The following DLGAP3 variants were observed in gnomAD, a reference collection of about 807,000 sequenced individuals.
DLGAP3 encodes disks large-associated protein 3.
DLGAP3 carries 17 observed loss-of-function variants against 81.2 expected under a neutral mutation model. That is an observed-to-expected ratio of 0.21 (90% confidence interval 0.14 to 0.31). The LOEUF is 0.31. Ranked by LOEUF, DLGAP3 falls within the 10% of genes least tolerant of loss-of-function variation. The pLI, the probability that DLGAP3 is intolerant of heterozygous loss-of-function variation, is 1.00. For missense variants in DLGAP3, 1,124 were observed against 1,388.0 expected, an observed-to-expected ratio of 0.81 and a Z score of 3.02; for synonymous variants, 577 against 587.4, an observed-to-expected ratio of 0.98 and a Z score of 0.26.
In DLGAP3 at chr1:34,867,473, C is replaced by A; in HGVS notation, c.2577+63G>T. On this transcript the variant is annotated intron_variant, in intron 10 of 11. Coordinates refer to ENST00000373347, the MANE Select transcript of DLGAP3 (RefSeq NM_001080418.3). This position sits in a 1 kb window ranked among gnomAD's most constrained non-coding sequence, Gnocchi z 4.3. ...ACTCTGGGTCACCTGCCTGTCTCAC[C>A]TCCAGCACACACACACTCTGGGTCA... is the stretch of plus-strand genomic sequence containing the variant. 6.9e-7 allele frequency: 1 copy of A among 1,446,456 alleles called. No homozygotes were observed. The highest frequency in any genetic ancestry group is 9.7e-7 in the Non-Finnish European group (1 of 1,027,036). The allele number at this position is 1,446,456 out of a possible 1,614,324, so 89.6% of individuals were successfully genotyped here.
At chr1:34,918,938 A>G (rs545505587) in intron 1 of DLGAP3, among the ~76,000 whole-genome samples, 1 of 152,272 alleles carries the variant, frequency 6.6e-6, no homozygotes, top group South Asian at 2.1e-4. Context: ...AGGACCCTGA[A>G]GAGCCCCTCC....
Position 34,900,569 on chromosome 1 carries a change from T to C in DLGAP3, c.1108-296A>G, listed in dbSNP as rs536203761. Among the ~76,000 whole-genome samples, 1 of 152,304 alleles carries C rather than the reference T, an allele frequency of 6.6e-6. No homozygotes were observed. Among genetic ancestry groups the C allele is most frequent in the African/African-American group, 2.4e-5 (1 of 41,572 alleles). ...CAGAGGCCAAAGTGACCTGTGTCAA[T>C]CCCATGCCCAGCAGTCAGGCATCAC... is the stretch of plus-strand genomic sequence containing the variant. On this transcript the variant is annotated intron_variant, in intron 3 of 11. Transcript: ENST00000373347. This position sits in a 1 kb window ranked among gnomAD's most constrained non-coding sequence, Gnocchi z 5.6.
At chr1:34,907,263 G>T (rs1227492559) in intron 2 of DLGAP3, 92 bp downstream of exon 2, 2 of 152,560 alleles carry the variant, frequency 1.3e-5, no homozygotes, top group Non-Finnish European at 2.9e-5. Flanking sequence ...GCCAGTAAGT[G>T]GATGAGTCAC....
At position 34,891,515 on chromosome 1, in the gene DLGAP3, G is replaced by A. The variant is rs72894116; in HGVS notation, c.1387-5230C>T. Among the ~76,000 whole-genome samples, 750 of 152,290 alleles carry A rather than the reference G, an allele frequency of 4.9e-3. 9 individuals are homozygous for A. Among genetic ancestry groups the A allele is most frequent in the African/African-American group, 0.018 (736 of 41,554 alleles). ...CTCTCCACATATCTTGGGTTAACTCGAAGCTGGGTGAATGCACAGCAGAGA... is the reference window on the plus strand; with the variant it reads ...CTCTCCACATATCTTGGGTTAACTCAAAGCTGGGTGAATGCACAGCAGAGA... On this transcript the variant is annotated intron_variant, in intron 5 of 11. Transcript: ENST00000373347.
At chr1:34,898,692 CAA>C (rs991905763) in intron 5 of DLGAP3, among the ~76,000 whole-genome samples, 8 of 152,058 alleles carry the variant, frequency 5.3e-5, no homozygotes, top group Non-Finnish European at 1.2e-4. Flanking sequence ...AAGTGGGGCT[CAA>C]AAAAAGTCAA....
chr1:34,896,775 G>T (rs1220608679), intron 5 of DLGAP3, among the ~76,000 whole-genome samples: 2 of 152,060 alleles, frequency 1.3e-5, no homozygotes, highest in Non-Finnish European at 2.9e-5. Context: ...GGATTTGGTG[G>T]GGAGAAGAAT....
At chr1:34,872,137 G>A (rs1346854464) in intron 8 of DLGAP3, among the ~76,000 whole-genome samples, 1 of 152,174 alleles carries the variant, frequency 6.6e-6, no homozygotes, top group African/African-American at 2.4e-5. Flanking sequence ...TCATAGAGGA[G>A]ACTAAGCCAG....
intron 5 of DLGAP3, among the ~76,000 whole-genome samples, chr1:34,896,870 G>A (rs552255848): frequency 2.0e-5 from 3 of 152,220 alleles, no homozygotes; most frequent in South Asian, 4.1e-4. Context: ...CACAAAATAA[G>A]ATGACAGAAA....
intron 8 of DLGAP3, among the ~76,000 whole-genome samples, chr1:34,877,959 A>AT (rs1471787532): frequency 6.6e-6 from 1 of 152,250 alleles, no homozygotes; most frequent in Non-Finnish European, 1.5e-5. Context: ...AGTAATGAAA[A>AT]ATATATACAT....
chr1:34,921,538 C>T (rs2148420800), intron 1 of DLGAP3, among the ~76,000 whole-genome samples: 1 of 152,286 alleles, frequency 6.6e-6, no homozygotes, highest in Admixed American at 6.5e-5. Context: ...TAACACTCTC[C>T]TTATTTGGTT....
At chr1:34,923,547 G>C (rs550007331) in intron 1 of DLGAP3, among the ~76,000 whole-genome samples, 89 of 152,060 alleles carry the variant, frequency 5.9e-4, no homozygotes, top group Non-Finnish European at 1.1e-3. Context: ...AAAGGGGGTG[G>C]ACATCTAGCA....
chr1:34,904,199 A>G lies in DLGAP3; in HGVS notation c.1107+78T>C, dbSNP rs1243144540. The G allele has an allele frequency of 2.5e-6, 4 of 1,570,734 alleles. No homozygotes were observed. The highest frequency in any genetic ancestry group is 3.5e-6 in the Non-Finnish European group (4 of 1,155,024). On this transcript the variant is annotated intron_variant, in intron 3 of 11. Coordinates refer to ENST00000373347, the MANE Select transcript of DLGAP3 (RefSeq NM_001080418.3). This position sits in a 1 kb window ranked among gnomAD's most constrained non-coding sequence, Gnocchi z 8.1. ...TCACAGGGACAGCTGGCTCCCACCC[A>G]ACCCTTTCCACTGCTCCCTAGTTGA...
rs1233522920 is a variant in DLGAP3 at position 34,905,102 on chromosome 1, A to G, written c.282T>C (p.Pro94=). The G allele has an allele frequency of 2.8e-5, 45 of 1,587,612 alleles. No homozygotes were observed. In the East Asian group the frequency reaches 1.0e-3, roughly 36 times the overall value. The change falls in exon 3 of 12, where the codon CCT becomes CCC. Residue 94 remains proline, a synonymous_variant. Coordinates refer to ENST00000373347, the MANE Select transcript of DLGAP3 (RefSeq NM_001080418.3). ...GGSSTFPRMY[P]GQGPFDTCED... Reference sequence around the variant, plus strand: ...CACAGGTGTCGAAGGGGCCCTGGCCAGGGTACATCCTGGGGAAGGTGCTGC... The same window carrying G: ...CACAGGTGTCGAAGGGGCCCTGGCCGGGGTACATCCTGGGGAAGGTGCTGC...
Position 34,904,440 on chromosome 1 carries a change from C to A in DLGAP3, c.944G>T (p.Cys315Phe). Residue 315 changes from cysteine (C) to phenylalanine (F), a missense_variant, in exon 3 of 12, where the codon TGC becomes TTC. By Grantham distance (205) the Cys-to-Phe change is radical. Coordinates refer to ENST00000373347, the MANE Select transcript of DLGAP3 (RefSeq NM_001080418.3). The surrounding 1 kb of genome is among the most constrained non-coding windows in gnomAD (Gnocchi z 8.1). ...ATCCAGTGACATGGACATGCCAGTG[C>A]AGGCAAGGCAGCGGCCTTCCGACCC... ...SGGSEGRCLACTGMSMSLDGQ... is the reference protein window; with the variant it reads ...SGGSEGRCLAFTGMSMSLDGQ... 1 of 1,614,114 alleles carries A rather than the reference C, an allele frequency of 6.2e-7. No individual in the cohort carries two copies. Among genetic ancestry groups the A allele is most frequent in the Non-Finnish European group, 8.5e-7 (1 of 1,180,034 alleles).
Position 34,907,339 on chromosome 1 carries a change from C to T in DLGAP3, c.-52+16G>A, listed in dbSNP as rs1639570869. The T allele has an allele frequency of 2.0e-5, 3 of 152,646 alleles. No homozygotes were observed. Among genetic ancestry groups the T allele is most frequent in the Admixed American group, 2.0e-4 (3 of 15,296 alleles). 9.5% of individuals were successfully genotyped at this position (152,646 alleles called of 1,614,324 possible). A position where few individuals can be genotyped will look rare whatever the true frequency, so the allele number is the denominator to read the frequency against. ...CTGAGTCTAATCCCCATCTCCCAGA[C>T]TCTTCTATCACTCACCATCCAGGGT... is the stretch of plus-strand genomic sequence containing the variant. On this transcript the variant is annotated intron_variant, in intron 2 of 11. Transcript: ENST00000373347.
chr1:34,919,554 G>A (rs1639767621), intron 1 of DLGAP3, among the ~76,000 whole-genome samples: 3 of 152,206 alleles, frequency 2.0e-5, no homozygotes, highest in East Asian at 3.9e-4. Flanking sequence ...CGAGGTGGGC[G>A]GATCACTTGA....
At chr1:34,923,874 C>A (rs185041477) in intron 1 of DLGAP3, among the ~76,000 whole-genome samples, 5 of 152,234 alleles carry the variant, frequency 3.3e-5, no homozygotes, top group African/African-American at 1.2e-4. Flanking sequence ...TCCCTAGATA[C>A]CTCTCCCTTT....
chr1:34,874,204 A>G (rs1250968962), intron 8 of DLGAP3, among the ~76,000 whole-genome samples: 7 of 152,192 alleles, frequency 4.6e-5, no homozygotes, highest in African/African-American at 1.4e-4. Flanking sequence ...GGGATGAGGA[A>G]AAGATAGAAG....
At position 34,900,129 on chromosome 1, in the gene DLGAP3, T is replaced by C. The variant is rs745685583; in HGVS notation, c.1252A>G (p.Lys418Glu). Residue 418 changes from lysine to glutamate, a missense_variant, in exon 4 of 12, where the codon AAA becomes GAA. This residue lies in a region of DLGAP3 where 357 missense variants were observed against 408.8 expected (regional missense o/e 0.87). Coordinates refer to ENST00000373347, the MANE Select transcript of DLGAP3 (RefSeq NM_001080418.3). The surrounding 1 kb of genome is among the most constrained non-coding windows in gnomAD (Gnocchi z 5.6). The stretch of plus-strand genomic sequence containing the variant: ...GTGGTGAAGCGTCGGGCGACTGCTT[T>C]GGGAGATGTCTTGGGGCTGCCGTCT... ...DSDGSPKTSPKAVARRFTTRR... is the reference protein window; with the variant it reads ...DSDGSPKTSPEAVARRFTTRR... The C allele has an allele frequency of 4.3e-5, 70 of 1,613,916 alleles. No individual in the cohort carries two copies. Among genetic ancestry groups the C allele is most frequent in the Non-Finnish European group, 5.8e-5 (68 of 1,180,032 alleles).
Sources: allele counts gnomAD v4.1 joint callset (sites outside exome capture counted in the v4.1 genomes callset), GRCh38; gene constraint gnomAD v4.1.1; regional missense constraint gnomAD v4.1.1; non-coding constraint Gnocchi (gnomAD v3.1); transcripts MANE v1.5; gene names NCBI Gene and HGNC (gene_info 2026-07-23, HGNC 2026-07-21).